Variants in MAF observed in about 807,000 individuals in gnomAD.
The protein encoded by MAF is MAF bZIP transcription factor, also known as transcription factor Maf.
Under a neutral mutation model 22.0 loss-of-function variants are expected in MAF, and 10 were observed. The ratio of observed to expected loss-of-function variants is 0.45; its 90% confidence interval spans 0.28 to 0.77. The LOEUF (loss-of-function observed/expected upper bound fraction) is 0.77. MAF is among the 30% of genes least tolerant of loss of function. MAF has a pLI of 0.12. For synonymous variants in MAF, 337 were observed against 255.8 expected (o/e 1.32, Z -3.03); for missense variants, 544 against 548.4 (o/e 0.99, Z 0.08).
At chr16:79,525,094 T>G in the MAF span, among the ~76,000 whole-genome samples, 1 of 152,172 alleles carries the variant, frequency 6.6e-6, no homozygotes, top group Non-Finnish European at 1.5e-5. Flanking sequence ...ATTCTGAAAA[T>G]ATACCTTCCT....
At chr16:79,556,159 G>A in the MAF span, among the ~76,000 whole-genome samples, 2 of 152,152 alleles carry the variant, frequency 1.3e-5, no homozygotes, top group Non-Finnish European at 2.9e-5. Flanking sequence ...CAATCTGATT[G>A]TATAAGATAT....
the MAF span, among the ~76,000 whole-genome samples, chr16:79,540,577 T>G: frequency 6.6e-6 from 1 of 152,152 alleles, no homozygotes; most frequent in Non-Finnish European, 1.5e-5. Flanking sequence ...CAATGCTCAT[T>G]GGCATGGTCA....
chr16:79,322,713 G>T, the MAF span, among the ~76,000 whole-genome samples: 1 of 152,052 alleles, frequency 6.6e-6, no homozygotes, highest in East Asian at 1.9e-4. Context: ...TCTAGCCGGG[G>T]TCAAGGTGGA....
chr16:79,566,019 G>A, the MAF span, among the ~76,000 whole-genome samples: 2 of 152,112 alleles, frequency 1.3e-5, no homozygotes, highest in Admixed American at 6.5e-5. Context: ...TAGACCCTGG[G>A]CCACTCTGAT....
downstream of MAF, among the ~76,000 whole-genome samples, chr16:79,585,251 A>G (rs925032539): frequency 6.6e-5 from 10 of 152,240 alleles, no homozygotes; most frequent in African/African-American, 2.4e-4. Context: ...TTATTTTAAT[A>G]GATGAAAATC....
At chr16:79,509,360 C>T in the MAF span, among the ~76,000 whole-genome samples, 2 of 152,238 alleles carry the variant, frequency 1.3e-5, no homozygotes, top group African/African-American at 2.4e-5. Flanking sequence ...CCACAAGAAG[C>T]GGGGCACATT....
intron 1 of MAF, among the ~76,000 whole-genome samples, chr16:79,588,024 G>C (rs562135689): frequency 6.6e-6 from 1 of 152,290 alleles, no homozygotes; most frequent in South Asian, 2.1e-4. Flanking sequence ...TTTTCGAGCT[G>C]GGCCGCAGTG....
the MAF span, among the ~76,000 whole-genome samples, chr16:79,233,036 G>A: frequency 2.0e-5 from 3 of 151,530 alleles, no homozygotes; most frequent in Admixed American, 6.6e-5. Context: ...GAGACTGGGT[G>A]TCACCGTGTT....
the MAF span, among the ~76,000 whole-genome samples, chr16:79,345,351 T>C: frequency 1.3e-5 from 2 of 152,144 alleles, no homozygotes; most frequent in East Asian, 3.8e-4. Context: ...TAAAATACAA[T>C]GGCGATAAGA....
the MAF span, among the ~76,000 whole-genome samples, chr16:79,416,419 A>G: frequency 4.7e-4 from 71 of 151,956 alleles, 2 homozygotes; most frequent in East Asian, 0.011. Flanking sequence ...TCTTCGAAAT[A>G]TAGGTGCTTC....
chr16:79,514,724 C>T, the MAF span, among the ~76,000 whole-genome samples: 1 of 152,190 alleles, frequency 6.6e-6, no homozygotes. Flanking sequence ...CCCTGGGAGG[C>T]TGTCGTAGGC....
At chr16:79,564,880 T>A in the MAF span, among the ~76,000 whole-genome samples, 1 of 152,184 alleles carries the variant, frequency 6.6e-6, no homozygotes, top group Non-Finnish European at 1.5e-5. Context: ...CTGCAAAACA[T>A]TCCTTGCTCT....
the MAF span, among the ~76,000 whole-genome samples, chr16:79,389,298 G>A: frequency 6.6e-6 from 1 of 152,150 alleles, no homozygotes; most frequent in Non-Finnish European, 1.5e-5. Context: ...GTCTCACTCT[G>A]TTGCCCAGGC....
the MAF span, chr16:79,211,903 G>C: frequency 1.3e-6 from 2 of 1,556,602 alleles, no homozygotes; most frequent in South Asian, 1.2e-5. Flanking sequence ...AGATCCGCAA[G>C]AGTAAAGGAA....
the MAF span, among the ~76,000 whole-genome samples, chr16:79,224,087 T>C: frequency 4.4e-4 from 67 of 152,306 alleles, no homozygotes; most frequent in Non-Finnish European, 1.5e-4. Context: ...ATATCCCTGA[T>C]GAACATTGCT....
chr16:79,393,929 T>C, the MAF span, among the ~76,000 whole-genome samples: 1 of 152,222 alleles, frequency 6.6e-6, no homozygotes. Flanking sequence ...CTTTTAAGTA[T>C]TTCCATGTGC....
the MAF span, among the ~76,000 whole-genome samples, chr16:79,489,602 T>C: frequency 6.6e-6 from 1 of 152,102 alleles, no homozygotes; most frequent in Non-Finnish European, 1.5e-5. Context: ...GGAGGAAACA[T>C]CTCAGACTGA....
the MAF span, among the ~76,000 whole-genome samples, chr16:79,339,721 G>A: frequency 3.9e-5 from 6 of 152,266 alleles, no homozygotes; most frequent in African/African-American, 1.2e-4. Context: ...GGAGAATGCA[G>A]TACACCAGCT....
the MAF span, among the ~76,000 whole-genome samples, chr16:79,439,222 T>C: frequency 2.0e-5 from 3 of 151,900 alleles, no homozygotes; most frequent in East Asian, 5.8e-4. Context: ...TCCACCTCTT[T>C]CACCATCCCT....
Sources: allele counts gnomAD v4.1 joint callset (sites outside exome capture counted in the v4.1 genomes callset), GRCh38; gene constraint gnomAD v4.1.1; transcripts MANE v1.5; gene names NCBI Gene and HGNC (gene_info 2026-07-23, HGNC 2026-07-21).